Variants in PRKG1 observed in about 807,000 individuals in gnomAD.
PRKG1 encodes the protein protein kinase cGMP-dependent 1, also known as cGMP-dependent protein kinase 1.
In PRKG1, 35 loss-of-function variants were observed where a neutral mutation model predicts 88.1. The ratio of observed to expected loss-of-function variants is 0.40; its 90% CI spans 0.30 to 0.53. The LOEUF is 0.53. Among genes scored for constraint, PRKG1 ranks in the 20% least tolerant of loss-of-function variants. The pLI is 0.59. For synonymous variants in PRKG1, 303 were observed against 292.5 expected (o/e 1.04, Z -0.37); for missense variants, 540 against 839.8 (o/e 0.64, Z 4.41).
intron 7 of PRKG1, among the ~76,000 whole-genome samples, chr10:52,112,804 G>T (rs1188809990): frequency 7.2e-5 from 11 of 152,086 alleles, no homozygotes. Context: ...ATTATCAAAG[G>T]CTCACCTGAT....
intron 3 of PRKG1, among the ~76,000 whole-genome samples, chr10:51,558,811 C>G (rs114714580): frequency 0.012 from 1,782 of 152,170 alleles, 31 homozygotes; most frequent in Middle Eastern, 0.048. Context: ...AGATAAAAAT[C>G]TCTGTCTTGT....
intron 3 of PRKG1, among the ~76,000 whole-genome samples, chr10:51,486,753 T>C (rs995916309): frequency 1.2e-4 from 18 of 152,144 alleles, no homozygotes; most frequent in African/African-American, 3.9e-4. Flanking sequence ...TCATTAACAA[T>C]TTAGGGTTCA....
chr10:52,259,576 A>C (rs948007072), intron 10 of PRKG1, among the ~76,000 whole-genome samples: 3 of 152,044 alleles, frequency 2.0e-5, no homozygotes, highest in South Asian at 2.1e-4. Context: ...ATTGTCATTG[A>C]CATATACAAC....
chr10:52,207,724 AC>A (rs1839858150), intron 9 of PRKG1, among the ~76,000 whole-genome samples: 1 of 151,454 alleles, frequency 6.6e-6, no homozygotes, highest in Non-Finnish European at 1.5e-5. Context: ...AGAGCAGACC[AC>A]TCCTTACCTG....
At chr10:51,564,576 C>T (rs760965570) in intron 3 of PRKG1, among the ~76,000 whole-genome samples, 1 of 151,996 alleles carries the variant, frequency 6.6e-6, no homozygotes, top group Non-Finnish European at 1.5e-5. Context: ...GACGACCTTG[C>T]ACATAGGAGG....
intron 5 of PRKG1, among the ~76,000 whole-genome samples, chr10:52,040,674 T>C (rs377411786): frequency 6.6e-6 from 1 of 152,162 alleles, no homozygotes; most frequent in African/African-American, 2.4e-5. Context: ...TTTGTTCCTT[T>C]CACTTGCTAA....
chr10:51,824,423 T>C (rs1589323495), intron 4 of PRKG1, among the ~76,000 whole-genome samples: 1 of 152,308 alleles, frequency 6.6e-6, no homozygotes, highest in South Asian at 2.1e-4. Context: ...TCTGGCTTTA[T>C]TTAAGTTTTT....
intron 7 of PRKG1, among the ~76,000 whole-genome samples, chr10:52,099,491 C>T (rs2132563056): frequency 6.6e-6 from 1 of 152,296 alleles, no homozygotes; most frequent in East Asian, 1.9e-4. Context: ...AGTATTTTGA[C>T]ACAGGCCTTA....
chr10:51,175,812 C>A (rs1290057466), intron 2 of PRKG1, among the ~76,000 whole-genome samples: 1 of 152,042 alleles, frequency 6.6e-6, no homozygotes, highest in Admixed American at 6.6e-5. Context: ...GTGATGATGG[C>A]CAGCAATCTG....
intron 3 of PRKG1, among the ~76,000 whole-genome samples, chr10:51,704,923 T>C (rs1251158799): frequency 1.3e-5 from 2 of 152,220 alleles, no homozygotes; most frequent in Non-Finnish European, 2.9e-5. Context: ...CTTTTCTATA[T>C]ATTTTCTACC....
chr10:51,335,906 T>C (rs921174724), intron 2 of PRKG1, among the ~76,000 whole-genome samples: 3 of 152,222 alleles, frequency 2.0e-5, no homozygotes, highest in South Asian at 4.1e-4. Flanking sequence ...TTTGTGAAAG[T>C]CAATTATGTA....
At chr10:51,551,254 G>A (rs1333862452) in intron 3 of PRKG1, among the ~76,000 whole-genome samples, 1 of 151,672 alleles carries the variant, frequency 6.6e-6, no homozygotes, top group Non-Finnish European at 1.5e-5. Flanking sequence ...ACTTCTGATC[G>A]ATGCACAAGG....
In PRKG1 at chr10:52,288,742, C is replaced by G. The variant is rs1482011029; in HGVS notation, c.1726C>G (p.Pro576Ala). Reference sequence around the variant, plus strand: ...TTCTTGCAGCCCACCTTTCTCAGGCCCAGATCCTATGAAAACCTATAACAT... The same window carrying G: ...TTCTTGCAGCCCACCTTTCTCAGGCGCAGATCCTATGAAAACCTATAACAT... Reference protein sequence around the residue: ...LLTGSPPFSGPDPMKTYNIIL... With the variant: ...LLTGSPPFSGADPMKTYNIIL... The change falls in exon 15 of 18, where the codon CCA becomes GCA. Residue 576 changes from proline to alanine, a missense_variant. Physicochemically the swap from Pro to Ala is conservative, Grantham distance 27. This residue lies in a region of PRKG1 where 97 missense variants were observed against 210.6 expected (regional missense o/e 0.46). Transcript: ENST00000373980. The G allele has an allele frequency of 2.5e-6, 4 of 1,589,118 alleles. No individual in the cohort carries two copies. Among genetic ancestry groups the G allele is most frequent in the Non-Finnish European group, 3.4e-6 (4 of 1,173,194 alleles).
chr10:52,108,012 A>G (rs1455830546), intron 7 of PRKG1, among the ~76,000 whole-genome samples: 2 of 152,174 alleles, frequency 1.3e-5, no homozygotes, highest in Non-Finnish European at 2.9e-5. Flanking sequence ...CTTTCCATTT[A>G]TTTTCAAATT....
chr10:51,193,359 A>T (rs1373257788), intron 2 of PRKG1, among the ~76,000 whole-genome samples: 2 of 152,064 alleles, frequency 1.3e-5, no homozygotes, highest in Non-Finnish European at 2.9e-5. Context: ...AGTCAAGAGT[A>T]GGGTCAGGGG....
intron 1 of PRKG1, among the ~76,000 whole-genome samples, chr10:51,138,665 A>ATTGAGTT (rs1845745072): frequency 8.8e-6 from 1 of 113,322 alleles, no homozygotes; most frequent in Non-Finnish European, 1.9e-5. Flanking sequence ...CTTTTTGGAC[A>ATTGAGTT]TTGAGTTTTG....
At chr10:52,188,459 C>T (rs1010396757) in intron 9 of PRKG1, among the ~76,000 whole-genome samples, 6 of 151,020 alleles carry the variant, frequency 4.0e-5, no homozygotes, top group Admixed American at 6.6e-5. Flanking sequence ...AGTGATCCTC[C>T]GACCTCACTC....
intron 9 of PRKG1, among the ~76,000 whole-genome samples, chr10:52,172,110 A>T (rs975488117): frequency 2.0e-5 from 3 of 152,204 alleles, no homozygotes; most frequent in African/African-American, 7.2e-5. Flanking sequence ...CCTATCAAAA[A>T]TTTTAAAACT....
chr10:51,671,313 G>A (rs1174761399), intron 3 of PRKG1, among the ~76,000 whole-genome samples: 1 of 152,176 alleles, frequency 6.6e-6, no homozygotes, highest in Non-Finnish European at 1.5e-5. Context: ...GCCATAACTA[G>A]TTACCACAAA....
Sources: allele counts gnomAD v4.1 joint callset (sites outside exome capture counted in the v4.1 genomes callset), GRCh38; gene constraint gnomAD v4.1.1; regional missense constraint gnomAD v4.1.1; transcripts MANE v1.5; gene names NCBI Gene and HGNC (gene_info 2026-07-23, HGNC 2026-07-21).